ACSS3: variants seen among roughly 807,000 people sequenced by gnomAD.
ACSS3 encodes acyl-CoA synthetase short chain family member 3, also known as acyl-CoA synthetase short-chain family member 3, mitochondrial.
A neutral mutation model predicts 84.2 loss-of-function variants in ACSS3; 64 were observed. The ratio of observed to expected loss-of-function variants is 0.76; its 90% CI spans 0.62 to 0.94. ACSS3 has a LOEUF of 0.94. ACSS3 is among the 40% of genes least tolerant of loss of function. The pLI, the probability that ACSS3 is intolerant of heterozygous loss-of-function variation, is 0.00. For missense variants in ACSS3, 815 were observed against 867.6 expected (o/e 0.94, Z 0.76); for synonymous variants, 317 against 310.1 (o/e 1.02, Z -0.23).
intron 9 of ACSS3, among the ~76,000 whole-genome samples, chr12:81,216,699 A>G (rs917494375): frequency 6.6e-6 from 1 of 152,156 alleles, no homozygotes. Context: ...CTAATTATGA[A>G]TTCTTAAGTT....
chr12:81,227,398 TAC>T (rs34993441), intron 11 of ACSS3, among the ~76,000 whole-genome samples: 2,459 of 148,600 alleles, frequency 0.017, 38 homozygotes, highest in Non-Finnish European at 0.025. Context: ...GAGGACTATT[TAC>T]ACACACACAC....
At chr12:81,084,109 T>C (rs1014080634) in intron 1 of ACSS3, among the ~76,000 whole-genome samples, 3 of 152,206 alleles carry the variant, frequency 2.0e-5, no homozygotes, top group African/African-American at 7.2e-5. Flanking sequence ...CTCACCCCTA[T>C]TGCATTATAC....
chr12:81,203,222 G>A (rs143430606), intron 9 of ACSS3, among the ~76,000 whole-genome samples: 51 of 152,232 alleles, frequency 3.4e-4, no homozygotes, highest in African/African-American at 1.2e-3. Context: ...TTCAGCAGTT[G>A]GATGCACACA....
At position 81,226,841 on chromosome 12, in the gene ACSS3, G is replaced by A. The variant is rs1236469769; in HGVS notation, c.1515-4216G>A. 2.0e-5 allele frequency among the ~76,000 whole-genome samples: 3 copies of A among 151,676 alleles called. No individual in the cohort carries two copies. In the East Asian group the frequency reaches 5.8e-4, roughly 30 times the overall value. On this transcript the variant is annotated intron_variant, in intron 11 of 15. Transcript: ENST00000548058. Reference sequence around the variant, plus strand: ...TATCCAATTCATCACACCAGCTTTAGCACTCTTTCTAGAACAAAGATCCAA... The same window carrying A: ...TATCCAATTCATCACACCAGCTTTAACACTCTTTCTAGAACAAAGATCCAA...
At chr12:81,092,588 A>G (rs919540160) in intron 1 of ACSS3, among the ~76,000 whole-genome samples, 2 of 152,086 alleles carry the variant, frequency 1.3e-5, no homozygotes, top group Non-Finnish European at 2.9e-5. Flanking sequence ...ACTAATTTTA[A>G]TTTTATCCCT....
Position 81,202,008 on chromosome 12 carries a change from G to A in ACSS3, c.1354+2564G>A, listed in dbSNP as rs1017166331. The stretch of plus-strand genomic sequence containing the variant: ...AAAATGATACTGAAGGGCTGGGTGC[G>A]GTGGTTCAAGCCTGTAATCCCAGCA... On this transcript the variant is annotated intron_variant, in intron 9 of 15. Transcript: ENST00000548058. Among the ~76,000 whole-genome samples the A allele has an allele frequency of 1.4e-4, 22 of 152,186 alleles. No homozygotes were observed. In the South Asian group the frequency reaches 1.9e-3, roughly 13 times the overall value.
At chr12:81,135,595 A>T (rs1364962149) in intron 3 of ACSS3, among the ~76,000 whole-genome samples, 3 of 151,690 alleles carry the variant, frequency 2.0e-5, no homozygotes, top group Non-Finnish European at 4.4e-5. Flanking sequence ...AGAAAACCAG[A>T]TACTTCATGT....
intron 8 of ACSS3, among the ~76,000 whole-genome samples, chr12:81,187,971 G>A (rs1341115418): frequency 6.6e-6 from 1 of 151,844 alleles, no homozygotes; most frequent in Non-Finnish European, 1.5e-5. Context: ...AAGCAGGAAA[G>A]CAAATTAGAA....
Position 81,260,519 on chromosome 12 carries a change from A to T in ACSS3, c.*5597A>T, listed in dbSNP as rs2035074741. On this transcript the variant is annotated 3_prime_UTR_variant, in exon 16 of 16. Coordinates refer to ENST00000548058, the MANE Select transcript of ACSS3 (RefSeq NM_024560.4). ...ATTTTGGGAGACCTCTTATTTAGCC[A>T]AATTATTATATACTTTAAATCATGT... 1 of 152,206 alleles carries T rather than the reference A, an allele frequency of 6.6e-6. No homozygotes were observed. Among genetic ancestry groups the T allele is most frequent in the Non-Finnish European group, 1.5e-5 (1 of 68,044 alleles). The allele number at this position is 152,206 out of a possible 1,614,324, so 9.4% of individuals were successfully genotyped here.
chr12:81,150,019 T>C (rs184393471), intron 5 of ACSS3, among the ~76,000 whole-genome samples: 5 of 152,300 alleles, frequency 3.3e-5, no homozygotes, highest in Admixed American at 3.3e-4. Context: ...ATCTGAGAGG[T>C]AAATAGAAAT....
At chr12:81,164,760 C>A (rs1887321499) in intron 7 of ACSS3, among the ~76,000 whole-genome samples, 2 of 152,132 alleles carry the variant, frequency 1.3e-5, no homozygotes, top group Non-Finnish European at 2.9e-5. Context: ...AGGTAGTTAT[C>A]TTCTCTTTGC....
intron 7 of ACSS3, among the ~76,000 whole-genome samples, chr12:81,155,516 G>A (rs1003117337): frequency 2.0e-5 from 3 of 152,166 alleles, no homozygotes; most frequent in Non-Finnish European, 2.9e-5. Flanking sequence ...TTCCTTCAGT[G>A]CACTCTGTGT....
intron 8 of ACSS3, among the ~76,000 whole-genome samples, chr12:81,197,208 T>G (rs759573343): frequency 3.9e-5 from 6 of 152,202 alleles, no homozygotes. Context: ...GTGATTGCAC[T>G]TCACATATAG....
At chr12:81,151,204 A>G (rs1593131343) in intron 5 of ACSS3, among the ~76,000 whole-genome samples, 1 of 152,326 alleles carries the variant, frequency 6.6e-6, no homozygotes, top group African/African-American at 2.4e-5. Flanking sequence ...TACTACAATG[A>G]TATAATGATC....
intron 8 of ACSS3, among the ~76,000 whole-genome samples, chr12:81,192,505 G>C (rs1565713222): frequency 6.6e-6 from 1 of 152,188 alleles, no homozygotes. Flanking sequence ...CTTAAGGGAA[G>C]ATCACTTCTA....
chr12:81,240,323 T>C (rs929316195), intron 13 of ACSS3, among the ~76,000 whole-genome samples: 2 of 152,038 alleles, frequency 1.3e-5, no homozygotes, highest in African/African-American at 4.8e-5. Context: ...TCTTGATACA[T>C]TTTCTTGCTC....
chr12:81,129,070 G>C (rs73359339), intron 2 of ACSS3, among the ~76,000 whole-genome samples: 6,682 of 152,184 alleles, frequency 0.044, 368 homozygotes, highest in African/African-American at 0.12. Context: ...TGGTTATCAG[G>C]TTATCAAAAC....
intron 7 of ACSS3, among the ~76,000 whole-genome samples, chr12:81,154,744 G>T (rs1179715941): frequency 6.6e-6 from 1 of 152,126 alleles, no homozygotes; most frequent in African/African-American, 2.4e-5. Flanking sequence ...AAAGTCAAAG[G>T]GCCTTGTTTA....
At position 81,173,881 on chromosome 12, in the gene ACSS3, A is replaced by T. The variant is rs537422450; in HGVS notation, c.1099-907A>T. Among the ~76,000 whole-genome samples the T allele has an allele frequency of 3.5e-4, 54 of 152,272 alleles. 1 individual carries two copies. The South Asian group carries it at 0.011, about 30-fold the overall frequency. On this transcript the variant is annotated intron_variant, in intron 7 of 15. Transcript: ENST00000548058. ...AACCCTTTTAAGGTTTCAAGAAATGATCTAAGATTAAAACACCCTGTTGCC... is the reference window on the plus strand; with the variant it reads ...AACCCTTTTAAGGTTTCAAGAAATGTTCTAAGATTAAAACACCCTGTTGCC...
Sources: allele counts gnomAD v4.1 joint callset (sites outside exome capture counted in the v4.1 genomes callset), GRCh38; gene constraint gnomAD v4.1.1; transcripts MANE v1.5; gene names NCBI Gene and HGNC (gene_info 2026-07-23, HGNC 2026-07-21).